Variants in ST13 observed in about 807,000 individuals in gnomAD.
The protein encoded by ST13 is hsc70-interacting protein.
Under a neutral mutation model 56.7 loss-of-function variants are expected in ST13, and 23 were observed. The observed-to-expected ratio is 0.41, with a 90% CI of 0.29 to 0.57. The LOEUF is 0.57. ST13 is among the 20% of genes least tolerant of loss of function. The pLI, the probability that ST13 is intolerant of heterozygous loss-of-function variation, is 0.36. For missense variants in ST13, 369 were observed against 459.9 expected, an observed-to-expected ratio of 0.80 and a Z score of 1.81; for synonymous variants, 132 against 142.4, an observed-to-expected ratio of 0.93 and a Z score of 0.52.
chr22:40,838,889 C>T (rs956476975), intron 5 of ST13, among the ~76,000 whole-genome samples: 2 of 147,440 alleles, frequency 1.4e-5, no homozygotes, highest in Non-Finnish European at 3.0e-5. Flanking sequence ...AAAAGCTTTC[C>T]AGAGAAACAG....
rs137931485 is a variant in ST13, at chr22:40,826,539, T to C, written c.1109A>G (p.Ter370=). The change falls in exon 12 of 12, where the codon TAA becomes TGA. Residue 370 remains the stop codon, a stop_retained_variant. Transcript: ENST00000216218. The part of the protein sequence containing the change: ...KLSAKFGGQA[*] ...AGGGCTTTATTTATCAGAAGGACAT[T>C]ACGCTTGACCTCCAAATTTGGCTGA... The C allele has an allele frequency of 1.3e-6, 2 of 1,597,814 alleles. No homozygotes were observed. The highest frequency in any genetic ancestry group is 2.2e-5 in the East Asian group (1 of 44,850).
At chr22:40,855,198 G>C (rs2057883476) in intron 1 of ST13, among the ~76,000 whole-genome samples, 1 of 152,312 alleles carries the variant, frequency 6.6e-6, no homozygotes, top group Admixed American at 6.5e-5. Context: ...GCTCACGCCT[G>C]TAATACCACC....
chr22:40,834,501 T>C (rs115339744), intron 7 of ST13, among the ~76,000 whole-genome samples: 1,859 of 152,328 alleles, frequency 0.012, 36 homozygotes, highest in African/African-American at 0.042. Flanking sequence ...TACATTTTAA[T>C]AGAAAATATC....
intron 5 of ST13, among the ~76,000 whole-genome samples, chr22:40,837,610 C>T (rs535421778): frequency 6.6e-6 from 1 of 152,246 alleles, no homozygotes; most frequent in African/African-American, 2.4e-5. Flanking sequence ...CGTGCCATTG[C>T]ACTCCAGTCT....
chr22:40,826,133 T>C lies in ST13; in HGVS notation c.*405A>G, dbSNP rs2057726706. 1 of 154,198 alleles carries C rather than the reference T, an allele frequency of 6.5e-6. No homozygotes were observed. Among genetic ancestry groups the C allele is most frequent in the South Asian group, 2.1e-4 (1 of 4,864 alleles). The allele number at this position is 154,198 out of a possible 1,614,324, so 9.6% of individuals were successfully genotyped here. A position where few individuals can be genotyped will look rare whatever the true frequency, so the allele number is the denominator to read the frequency against. ...ACAAACTTTATCCTCAAATGAGTTA[T>C]GTTTGCCTCGCACTAATAACTTTTA... On this transcript the variant is annotated 3_prime_UTR_variant, in exon 12 of 12. Transcript: ENST00000216218.
chr22:40,829,980 G>C (rs1161663834), intron 9 of ST13, among the ~76,000 whole-genome samples: 1 of 152,030 alleles, frequency 6.6e-6, no homozygotes, highest in Non-Finnish European at 1.5e-5. Context: ...ACACCCATAG[G>C]GAAGGACATG....
intron 1 of ST13, among the ~76,000 whole-genome samples, chr22:40,853,551 C>G (rs1189932595): frequency 1.3e-5 from 2 of 152,178 alleles, no homozygotes; most frequent in African/African-American, 4.8e-5. Context: ...TTATGTTACA[C>G]AATCAAGTAG....
intron 1 of ST13, among the ~76,000 whole-genome samples, chr22:40,851,202 C>T (rs961594419): frequency 1.3e-5 from 2 of 152,176 alleles, no homozygotes; most frequent in African/African-American, 4.8e-5. Context: ...ATCATTTGCA[C>T]AAGCTGTTAA....
Position 40,830,851 on chromosome 22 carries a change from T to C in ST13, c.787A>G (p.Arg263Gly). Residue 263 changes from arginine (R) to glycine (G), a missense_variant, in exon 9 of 12, where the codon AGA (arginine) becomes GGA (glycine). Physicochemically the swap from Arg to Gly is moderately radical, Grantham distance 125. This residue lies in a region of ST13 where 136 missense variants were observed against 159.2 expected (regional missense o/e 0.85). Coordinates refer to ENST00000216218, the MANE Select transcript of ST13 (RefSeq NM_003932.5). Reference protein sequence around the residue: ...RVKKAREEHERAQREEEARRQ... With the variant: ...RVKKAREEHEGAQREEEARRQ... ...TATAGGAAATTTACCCTCTGGGCTC[T>C]CTCATGCTCTTCTCGAGCCTTCTTA... 6.2e-7 allele frequency: 1 copy of C among 1,605,372 alleles called. No homozygotes were observed. The highest frequency in any genetic ancestry group is 1.3e-5 in the African/African-American group (1 of 74,854).
intron 10 of ST13, among the ~76,000 whole-genome samples, chr22:40,828,774 G>A (rs2057740736): frequency 6.6e-6 from 1 of 152,094 alleles, no homozygotes; most frequent in East Asian, 1.9e-4. Context: ...AACAATCAGA[G>A]ATGAAGAAAT....
chr22:40,826,964 T>C, intron 11 of ST13, 132 bp downstream of exon 11: 1 of 1,083,866 alleles, frequency 9.2e-7, no homozygotes, highest in South Asian at 1.6e-5. Context: ...TAAATGTCAC[T>C]CTTGCATAAT....
At chr22:40,832,431 C>T in intron 8 of ST13, 138 bp downstream of exon 8, 1 of 655,738 alleles carries the variant, frequency 1.5e-6, no homozygotes, top group South Asian at 1.8e-5. Flanking sequence ...CGAGCACAAA[C>T]TTCAGCAATT....
rs1160006961 is a variant in ST13, at chr22:40,835,689, A to T, written c.468-19T>A. On this transcript the variant is annotated intron_variant, in intron 6 of 11. Transcript: ENST00000216218. ...GAAGACACTGAAAAATAAGTGTGTT[A>T]TTAAAAAGTATTCATTTCAGTAAAA... The T allele has an allele frequency of 1.2e-6, 2 of 1,605,262 alleles. No homozygotes were observed. The highest frequency in any genetic ancestry group is 1.7e-6 in the Non-Finnish European group (2 of 1,172,048).
At chr22:40,851,720 T>C (rs1006429572) in intron 1 of ST13, among the ~76,000 whole-genome samples, 4 of 151,786 alleles carry the variant, frequency 2.6e-5, no homozygotes, top group African/African-American at 4.8e-5. Context: ...AACAAGGGGA[T>C]ATATTAACTT....
intron 7 of ST13, 172 bp downstream of exon 7, chr22:40,835,383 TTTTTC>T (rs2057772358): frequency 4.2e-6 from 2 of 476,678 alleles, no homozygotes; most frequent in Admixed American, 3.7e-5. Flanking sequence ...ATTTCTTTTT[TTTTTC>T]TTTTACCTTT....
Position 40,848,341 on chromosome 22 carries a change from T to C in ST13, c.197A>G (p.Glu66Gly). The change falls in exon 3 of 12, where the codon GAG (glutamate) becomes GGG (glycine). Residue 66 changes from glutamate to glycine, a missense_variant. Transcript: ENST00000216218. ...TGGTTCGTCTGCCTTTAAGTCTTCC[T>C]CCACCTTCTTACTATCAGGTTTTTC... ...KEEKPDSKKVEEDLKADEPSS... is the reference protein window; with the variant it reads ...KEEKPDSKKVGEDLKADEPSS... 6.2e-7 allele frequency: 1 copy of C among 1,613,176 alleles called. No individual in the cohort carries two copies. The highest frequency in any genetic ancestry group is 8.5e-7 in the Non-Finnish European group (1 of 1,179,500).
At chr22:40,852,840 A>C (rs1445045821) in intron 1 of ST13, among the ~76,000 whole-genome samples, 5 of 152,220 alleles carry the variant, frequency 3.3e-5, no homozygotes, top group Non-Finnish European at 7.3e-5. Context: ...TTGTAGTTAA[A>C]TTTTAATGAA....
chr22:40,826,778 A>T (rs977838990), intron 11 of ST13, 112 bp from the exon 12 acceptor site: 1 of 1,306,266 alleles, frequency 7.7e-7, no homozygotes, highest in Admixed American at 2.1e-5. Flanking sequence ...AGTTAAGTTA[A>T]ATGGGGTTTA....
chr22:40,840,013 G>A (rs2057795394), intron 5 of ST13, among the ~76,000 whole-genome samples: 1 of 151,774 alleles, frequency 6.6e-6, no homozygotes, highest in Non-Finnish European at 1.5e-5. Context: ...AGCTGGGCAT[G>A]GTGGTACGCG....
Sources: gnomAD v4.1 joint callset for allele counts (sites outside exome capture counted in the v4.1 genomes callset) on GRCh38, gnomAD v4.1.1 for gene constraint, gnomAD v4.1.1 regional missense constraint, MANE v1.5 for transcripts, NCBI Gene and HGNC (gene_info 2026-07-23, HGNC 2026-07-21) for gene names.